The following RAB40A variants were observed in gnomAD, a reference collection of about 807,000 sequenced individuals.
RAB40A encodes ras-related protein Rab-40A.
For missense variants in RAB40A, 145 were observed against 230.2 expected, an observed-to-expected ratio of 0.63 and a Z score of 2.40; for synonymous variants, 65 against 99.9, an observed-to-expected ratio of 0.65 and a Z score of 2.08.
rs760635676 is a variant in RAB40A at position 103,500,694 on chromosome X, G to A, written c.63C>T (p.Gly21=). Residue 21 remains glycine, a synonymous_variant, in exon 3 of 3, where the codon GGC becomes GGT. Coordinates refer to ENST00000304236, the MANE Select transcript of RAB40A (RefSeq NM_080879.3). The stretch of plus-strand genomic sequence containing the variant: ...TCTCACTCTTGCCTACGTCCCTGTC[G>A]CCCACCAGCAGGAACTTGAGCAGGA... ...YDFLLKFLLV[G]DRDVGKSEIL... is the part of the protein sequence containing the mutation. 6.6e-6 allele frequency: 8 copies of A among 1,208,817 alleles called. No individual in the cohort carries two copies. Among genetic ancestry groups the A allele is most frequent in the Non-Finnish European group, 1.1e-6 (1 of 894,903 alleles).
intron 2 of RAB40A, among the ~76,000 whole-genome samples, chrX:103,512,478 A>G (rs1016661623): frequency 9.0e-6 from 1 of 111,495 alleles, no homozygotes; most frequent in Non-Finnish European, 1.9e-5. Flanking sequence ...TCTTGTGTTT[A>G]AAGTTGGAAA....
chrX:103,502,897 A>G (rs2073236271), intron 2 of RAB40A: 1 of 764,077 alleles, frequency 1.3e-6, no homozygotes, highest in South Asian at 6.8e-5. Context: ...TGGGACTTCA[A>G]TGGCCCTTTA....
At chrX:103,518,842 G>T (rs1415666122) in intron 1 of RAB40A, among the ~76,000 whole-genome samples, 1 of 111,474 alleles carries the variant, frequency 9.0e-6, no homozygotes, top group Admixed American at 9.6e-5. Flanking sequence ...TAACCTAATG[G>T]TTTATGAAAG....
At chrX:103,504,630 T>C (rs2073245551) in intron 2 of RAB40A, among the ~76,000 whole-genome samples, 1 of 111,779 alleles carries the variant, frequency 8.9e-6, no homozygotes, top group African/African-American at 3.3e-5. Context: ...CAAGCGATTC[T>C]CGTGCCTCAG....
chrX:103,503,437 TGAG>T, intron 2 of RAB40A: 1 of 753,166 alleles, frequency 1.3e-6, no homozygotes, highest in Middle Eastern at 7.6e-4. Context: ...CAACGTATAC[TGAG>T]GAGGGAAGAG....
In RAB40A at chrX:103,506,720, T is replaced by G. The variant is rs747520143; in HGVS notation, c.-70-5894A>C. 4.6e-5 allele frequency among the ~76,000 whole-genome samples: 5 copies of G among 108,595 alleles called. No individual in the cohort carries two copies. In the East Asian group the frequency reaches 1.1e-3, roughly 24 times the overall value. 94.3% of individuals were successfully genotyped at this position (108,595 alleles called of 115,157 possible). A position where few individuals can be genotyped will look rare whatever the true frequency, so the allele number is the denominator to read the frequency against. ...TCCCATCCCTTGACCCCAAGGGGTC[T>G]GTTGTCCCTAGAATAGTGCACACTC... On this transcript the variant is annotated intron_variant, in intron 2 of 2. Coordinates refer to ENST00000304236, the MANE Select transcript of RAB40A (RefSeq NM_080879.3).
At chrX:103,498,949 T>C (rs1166141126), downstream of RAB40A, among the ~76,000 whole-genome samples, 1 of 111,777 alleles carries the variant, frequency 8.9e-6, no homozygotes, top group Non-Finnish European at 1.9e-5. Context: ...AACCTCTATA[T>C]TGATCTGAGA....
chrX:103,508,812 C>G (rs1443847406), intron 2 of RAB40A, among the ~76,000 whole-genome samples: 4 of 111,946 alleles, frequency 3.6e-5, no homozygotes, highest in Non-Finnish European at 5.6e-5. Flanking sequence ...CAGATCGCAT[C>G]CGGGACACAA....
chrX:103,503,350 C>T, intron 2 of RAB40A: 2 of 753,039 alleles, frequency 2.7e-6, no homozygotes, highest in South Asian at 1.4e-4. Flanking sequence ...GGGAGGAGGT[C>T]TGGGAAGCTT....
downstream of RAB40A, among the ~76,000 whole-genome samples, chrX:103,496,594 T>C (rs1435458154): frequency 8.9e-6 from 1 of 112,774 alleles, no homozygotes; most frequent in African/African-American, 3.2e-5. Context: ...TAGTAATTCC[T>C]TCAGAAAGAA....
chrX:103,500,362 A>AC lies in RAB40A; in HGVS notation c.394_395insG (p.Phe132CysfsTer23). The AC allele has an allele frequency of 8.3e-7, 1 of 1,209,488 alleles. No homozygotes were observed. The highest frequency in any genetic ancestry group is 3.0e-5 in the East Asian group (1 of 33,732). On this transcript the variant is annotated frameshift_variant, in exon 3 of 3. Transcript: ENST00000304236. LOFTEE classifies it low-confidence loss of function (END_TRUNC). ...CTGCTCCCTGGGCACCTGCCTCTTG[A>AC]ATGCCAGATGTAGGCGATTCCCCAC...
intron 2 of RAB40A, among the ~76,000 whole-genome samples, chrX:103,516,946 G>T (rs1320594399): frequency 2.7e-5 from 3 of 111,266 alleles, no homozygotes; most frequent in African/African-American, 6.6e-5. Flanking sequence ...ACCCTTTACA[G>T]CTGGCCCAGA....
At chrX:103,494,058 A>G in the RAB40A span, among the ~76,000 whole-genome samples, 5 of 112,497 alleles carry the variant, frequency 4.4e-5, no homozygotes, top group African/African-American at 1.6e-4. Flanking sequence ...CCAACAGTGT[A>G]CAAGGTTTCC....
chrX:103,514,064 G>A (rs1238431718), intron 2 of RAB40A, among the ~76,000 whole-genome samples: 1 of 111,658 alleles, frequency 9.0e-6, no homozygotes, highest in African/African-American at 3.3e-5. Context: ...GAAAAGTGGT[G>A]TGTCTGGTTT....
chrX:103,502,984 T>G, intron 2 of RAB40A: 1 of 763,042 alleles, frequency 1.3e-6, no homozygotes, highest in Non-Finnish European at 1.6e-6. Context: ...TTTTCATTGT[T>G]TCTACTAATG....
chrX:103,502,621 G>A (rs1569374179), intron 2 of RAB40A: 2 of 548,196 alleles, frequency 3.6e-6, no homozygotes, highest in East Asian at 1.8e-4. Flanking sequence ...TGTGGAGTGG[G>A]GGACCCATGG....
Position 103,507,124 on chromosome X carries a change from G to C in RAB40A, c.-70-6298C>G, listed in dbSNP as rs1330916061. Among the ~76,000 whole-genome samples, 3 of 106,960 alleles carry C rather than the reference G, an allele frequency of 2.8e-5. No homozygotes were observed. In the Admixed American group the frequency reaches 3.0e-4, roughly 11 times the overall value. 92.9% of individuals were successfully genotyped at this position (106,960 alleles called of 115,157 possible). ...GTGTTCAGCTCCCACTTATGAGTGA[G>C]AACATGTGGTGTTTGGTTTTCTGTT... On this transcript the variant is annotated intron_variant, in intron 2 of 2. Transcript: ENST00000304236.
downstream of RAB40A, among the ~76,000 whole-genome samples, chrX:103,494,597 T>C (rs2073153282): frequency 8.9e-6 from 1 of 112,194 alleles, no homozygotes; most frequent in African/African-American, 3.2e-5. Context: ...GATTTAATTT[T>C]TGTATATGGC....
intron 2 of RAB40A, among the ~76,000 whole-genome samples, chrX:103,513,936 T>G (rs568261503): frequency 9.0e-6 from 1 of 111,042 alleles, no homozygotes; most frequent in Admixed American, 9.6e-5. Context: ...TGCAACATTG[T>G]TTTGGGCTGG....
Sources: allele counts gnomAD v4.1 joint callset (sites outside exome capture counted in the v4.1 genomes callset), GRCh38; gene constraint gnomAD v4.1.1; transcripts MANE v1.5; gene names NCBI Gene and HGNC (gene_info 2026-07-23, HGNC 2026-07-21).